The following KIF26B variants were observed in gnomAD, a reference collection of about 807,000 sequenced individuals.
KIF26B encodes the protein kinesin family member 26B.
KIF26B carries 63 observed loss-of-function variants against 151.2 expected under a neutral mutation model. The ratio of observed to expected loss-of-function variants is 0.42; its 90% CI spans 0.34 to 0.51. KIF26B has a LOEUF of 0.51. Ranked by LOEUF, KIF26B falls within the 20% of genes least tolerant of loss-of-function variation. The pLI is 0.07. For missense variants in KIF26B, 2,813 were observed against 2,913.6 expected (o/e 0.97, Z 0.79); for synonymous variants, 1,357 against 1,262.1 (o/e 1.08, Z -1.59).
At chr1:245,599,150 G>C (rs970331995) in intron 5 of KIF26B, among the ~76,000 whole-genome samples, 1 of 152,188 alleles carries the variant, frequency 6.6e-6, no homozygotes, top group Admixed American at 6.5e-5. Context: ...GGACTTTCTT[G>C]ATCACAAGTG....
intron 10 of KIF26B, among the ~76,000 whole-genome samples, chr1:245,650,374 C>T (rs1299786562): frequency 6.6e-6 from 1 of 152,208 alleles, no homozygotes; most frequent in Non-Finnish European, 1.5e-5. Context: ...AGGCCAAAAC[C>T]CAGTGTTGCA....
At chr1:245,323,077 G>A (rs754930738) in intron 2 of KIF26B, among the ~76,000 whole-genome samples, 13 of 152,174 alleles carry the variant, frequency 8.5e-5, no homozygotes, top group Non-Finnish European at 1.8e-4. Flanking sequence ...CTTCAAGTAC[G>A]CTTCTAGACT....
intron 4 of KIF26B, among the ~76,000 whole-genome samples, chr1:245,462,148 GA>G (rs894429808): frequency 1.3e-5 from 2 of 151,926 alleles, no homozygotes; most frequent in African/African-American, 4.8e-5. Flanking sequence ...ATTAAAAAAT[GA>G]AAAAAAGAAG....
At chr1:245,163,652 C>T (rs1358963016) in intron 2 of KIF26B, among the ~76,000 whole-genome samples, 1 of 152,070 alleles carries the variant, frequency 6.6e-6, no homozygotes, top group African/African-American at 2.4e-5. Flanking sequence ...ACATGGAATA[C>T]CTTTTCATTT....
chr1:245,189,863 A>G (rs890220215), intron 2 of KIF26B, among the ~76,000 whole-genome samples: 6 of 152,342 alleles, frequency 3.9e-5, no homozygotes, highest in Non-Finnish European at 7.3e-5. Flanking sequence ...CCTCACAATC[A>G]TGGTGGAAGG....
At position 245,296,774 on chromosome 1, in the gene KIF26B, G is replaced by C. The variant is rs977755033; in HGVS notation, c.466-70060G>C. On this transcript the variant is annotated intron_variant, in intron 2 of 14. Coordinates refer to ENST00000407071, the MANE Select transcript of KIF26B (RefSeq NM_018012.4). ...CTGATTCATGCCCGCCATTTTCCTA[G>C]GGAGCTCAGTCAACATTCAGCTCTT... 2.6e-4 allele frequency among the ~76,000 whole-genome samples: 40 copies of C among 152,188 alleles called. 1 individual carries two copies. The highest frequency in any genetic ancestry group is 2.4e-4 in the Non-Finnish European group (16 of 68,036).
chr1:245,406,727 T>A (rs1237509062), intron 3 of KIF26B, among the ~76,000 whole-genome samples: 2 of 152,208 alleles, frequency 1.3e-5, no homozygotes, highest in Non-Finnish European at 2.9e-5. Flanking sequence ...ACGTATTCAA[T>A]AGTCAAAAAT....
At chr1:245,480,940 G>C (rs1660155852) in intron 4 of KIF26B, among the ~76,000 whole-genome samples, 1 of 151,634 alleles carries the variant, frequency 6.6e-6, no homozygotes, top group African/African-American at 2.4e-5. Flanking sequence ...AGTTCACCCA[G>C]ATTAGTTGGT....
At chr1:245,262,261 T>C (rs1670660165) in intron 2 of KIF26B, among the ~76,000 whole-genome samples, 1 of 152,174 alleles carries the variant, frequency 6.6e-6, no homozygotes, top group Non-Finnish European at 1.5e-5. Flanking sequence ...CTTCTCATTT[T>C]GATTACCTGT....
rs1248935297 is a variant in KIF26B at position 245,560,739 on chromosome 1, C to A, written c.1350+19789C>A. ...AATCTCAAGTTGTTAAACCTGCTGT[C>A]AAATGAGCTGCCTCCACTGAAGACT... On this transcript the variant is annotated intron_variant, in intron 5 of 14. Coordinates refer to ENST00000407071, the MANE Select transcript of KIF26B (RefSeq NM_018012.4). The surrounding 1 kb of genome is among the most constrained non-coding windows in gnomAD (Gnocchi z 4.3). Among the ~76,000 whole-genome samples the A allele has an allele frequency of 1.3e-5, 2 of 152,162 alleles. No homozygotes were observed. Among genetic ancestry groups the A allele is most frequent in the African/African-American group, 4.8e-5 (2 of 41,444 alleles).
At chr1:245,568,976 G>A (rs772023331) in intron 5 of KIF26B, among the ~76,000 whole-genome samples, 4 of 152,154 alleles carry the variant, frequency 2.6e-5, no homozygotes, top group Non-Finnish European at 5.9e-5. Flanking sequence ...CTATTTCCAG[G>A]TTTAAGATGA....
At chr1:245,399,604 T>C (rs1673944430) in intron 3 of KIF26B, among the ~76,000 whole-genome samples, 1 of 152,226 alleles carries the variant, frequency 6.6e-6, no homozygotes, top group African/African-American at 2.4e-5. Flanking sequence ...GAAACAGAAA[T>C]ACCTTTACAT....
At chr1:245,171,613 TA>T (rs1195166801) in intron 2 of KIF26B, among the ~76,000 whole-genome samples, 1 of 152,266 alleles carries the variant, frequency 6.6e-6, no homozygotes, top group East Asian at 1.9e-4. Context: ...CATTAGTTTT[TA>T]ACACTGTATA....
intron 2 of KIF26B, among the ~76,000 whole-genome samples, chr1:245,220,682 G>T (rs1669749746): frequency 6.6e-6 from 1 of 152,178 alleles, no homozygotes; most frequent in African/African-American, 2.4e-5. Context: ...AGGAGGTTGT[G>T]CTGTTTTGCA....
Position 245,416,952 on chromosome 1 carries a change from G to A in KIF26B, c.1000-2627G>A, listed in dbSNP as rs184282891. 1.7e-3 allele frequency among the ~76,000 whole-genome samples: 253 copies of A among 152,220 alleles called. 1 individual carries two copies. Among genetic ancestry groups the A allele is most frequent in the Middle Eastern group, 3.4e-3 (1 of 294 alleles). On this transcript the variant is annotated intron_variant, in intron 3 of 14. Transcript: ENST00000407071. ...TTTGGAGGGATGCCCTCTCCCCATT[G>A]TGGAACTAGCAGAACAAAATCTAAA... is the stretch of plus-strand genomic sequence containing the variant.
intron 4 of KIF26B, among the ~76,000 whole-genome samples, chr1:245,473,613 G>A (rs6428922): frequency 0.73 from 110,443 of 151,760 alleles, 40,798 homozygotes; most frequent in Non-Finnish European, 0.78. Flanking sequence ...GCAAGCAAAA[G>A]AACCACTCAG....
chr1:245,443,973 G>C (rs1455930499), intron 4 of KIF26B, among the ~76,000 whole-genome samples: 3 of 131,412 alleles, frequency 2.3e-5, no homozygotes, highest in Non-Finnish European at 3.2e-5. Context: ...TGTTCACCTA[G>C]AGCGGTCATC....
intron 4 of KIF26B, among the ~76,000 whole-genome samples, chr1:245,483,048 A>T (rs10924211): frequency 0.16 from 24,678 of 151,476 alleles, 2,346 homozygotes; most frequent in Admixed American, 0.21. Flanking sequence ...ACTCCTGGGC[A>T]TCATTTATTT....
At chr1:245,324,635 C>G (rs1050385443) in intron 2 of KIF26B, among the ~76,000 whole-genome samples, 15 of 152,108 alleles carry the variant, frequency 9.9e-5, no homozygotes, top group African/African-American at 3.6e-4. Context: ...TCTTCCTTCC[C>G]TTGAAATCCC....
Sources: gnomAD v4.1 joint callset for allele counts (sites outside exome capture counted in the v4.1 genomes callset) on GRCh38, gnomAD v4.1.1 for gene constraint, Gnocchi (gnomAD v3.1) non-coding constraint, MANE v1.5 for transcripts, NCBI Gene and HGNC (gene_info 2026-07-23, HGNC 2026-07-21) for gene names.